The following AZIN1 variants were observed in gnomAD, a reference collection of about 807,000 sequenced individuals.
AZIN1 encodes antizyme inhibitor 1, also known as ornithine decarboxylase antizyme inhibitor.
Under a neutral mutation model 47.4 loss-of-function variants are expected in AZIN1, and 12 were observed. That is an observed-to-expected ratio of 0.25 (90% CI 0.16 to 0.41). AZIN1 has a LOEUF of 0.41. Ranked by LOEUF, AZIN1 falls within the 10% of genes least tolerant of loss-of-function variation. The probability of loss-of-function intolerance (pLI) is 1.00; values close to 1 mark genes in which losing one functional copy is unlikely to be tolerated. For synonymous variants in AZIN1, 155 were observed against 176.3 expected, an observed-to-expected ratio of 0.88 and a Z score of 0.96; for missense variants, 410 against 532.4, an observed-to-expected ratio of 0.77 and a Z score of 2.26.
At position 102,826,656 on chromosome 8, in the gene AZIN1, C is replaced by T. The variant is rs190642869; in HGVS notation, c.*1911G>A. 3.9e-5 allele frequency: 6 copies of T among 152,686 alleles called. No homozygotes were observed. The highest frequency in any genetic ancestry group is 3.3e-4 in the Admixed American group (5 of 15,294). 9.5% of individuals were successfully genotyped at this position (152,686 alleles called of 1,614,324 possible). On this transcript the variant is annotated 3_prime_UTR_variant, in exon 12 of 12. Transcript: ENST00000337198. Reference sequence around the variant, plus strand: ...CAACTCTGAGCTATTTCTTATAGAACAGCTCTCCTGCAGATATGGCAAAGT... The same window carrying T: ...CAACTCTGAGCTATTTCTTATAGAATAGCTCTCCTGCAGATATGGCAAAGT...
chr8:102,839,574 G>A, intron 4 of AZIN1, 76 bp downstream of exon 4: 1 of 1,069,494 alleles, frequency 9.4e-7, no homozygotes, highest in Non-Finnish European at 1.3e-6. Context: ...CCTTGCATTT[G>A]TTCTCTAACC....
chr8:102,842,925 A>C (rs902934355), intron 3 of AZIN1, among the ~76,000 whole-genome samples: 2 of 151,212 alleles, frequency 1.3e-5, no homozygotes, highest in African/African-American at 2.4e-5. Flanking sequence ...AAGCAAAAAA[A>C]AAGAATTGAG....
At chr8:102,844,964 T>C (rs748469997) in intron 2 of AZIN1, among the ~76,000 whole-genome samples, 5 of 152,220 alleles carry the variant, frequency 3.3e-5, no homozygotes, top group Non-Finnish European at 7.3e-5. Flanking sequence ...TAGGTTACTT[T>C]AGGAAATAAC....
In AZIN1 at chr8:102,829,337, A is replaced by T. The variant is rs750636800; in HGVS notation, c.1170T>A (p.His390Gln). 6.2e-7 allele frequency: 1 copy of T among 1,614,030 alleles called. No homozygotes were observed. The highest frequency in any genetic ancestry group is 8.5e-7 in the Non-Finnish European group (1 of 1,179,904). Residue 390 changes from histidine (H) to glutamine (Q), a missense_variant, in exon 11 of 12, where the codon CAT (histidine) becomes CAA (glutamine). Physicochemically the swap from His to Gln is conservative, Grantham distance 24. Around this residue, in one of 3 missense-constraint regions of AZIN1, gnomAD observed 168 missense variants for 198.3 expected, o/e 0.85. Transcript: ENST00000337198. ...IFDNMGADSF[H>Q]EPSAFNDFQR... ...GAAAATCATTAAAAGCAGATGGTTC[A>T]TGGAAAGAATCTGCTCCCATGTTAT...
chr8:102,835,853 A>C (rs1294493437), intron 6 of AZIN1, among the ~76,000 whole-genome samples: 1 of 152,162 alleles, frequency 6.6e-6, no homozygotes, highest in African/African-American at 2.4e-5. Flanking sequence ...TATAAAATTA[A>C]AAGGCTAAAG....
At chr8:102,839,869 T>G in intron 3 of AZIN1, 46 bp from the exon 4 acceptor site, 1 of 1,440,922 alleles carries the variant, frequency 6.9e-7, no homozygotes, top group South Asian at 1.4e-5. Flanking sequence ...AAAAAACCAT[T>G]GAAAATCAAG....
rs1250160365 is a variant in AZIN1 at position 102,826,905 on chromosome 8, A to T, written c.*1662T>A. 1 of 152,640 alleles carries T rather than the reference A, an allele frequency of 6.6e-6. No individual in the cohort carries two copies. Among genetic ancestry groups the T allele is most frequent in the South Asian group, 2.1e-4 (1 of 4,830 alleles). The allele number at this position is 152,640 out of a possible 1,614,324, so 9.5% of individuals were successfully genotyped here. ...CTTGGAAAAGTCCAAGGGCAATTTG[A>T]TGGCAATGGATTGGGGCCCTATATA... On this transcript the variant is annotated 3_prime_UTR_variant, in exon 12 of 12. Coordinates refer to ENST00000337198, the MANE Select transcript of AZIN1 (RefSeq NM_148174.4).
intron 9 of AZIN1, among the ~76,000 whole-genome samples, chr8:102,831,147 T>C (rs1377884580): frequency 6.6e-6 from 1 of 152,010 alleles, no homozygotes; most frequent in Non-Finnish European, 1.5e-5. Context: ...CATCTTGATA[T>C]ACCAAAAAAT....
intron 6 of AZIN1, 134 bp from the exon 7 acceptor site, chr8:102,834,881 T>C (rs1586161613): frequency 1.6e-6 from 1 of 611,896 alleles, no homozygotes; most frequent in East Asian, 2.9e-5. Flanking sequence ...TTTAAAGTAT[T>C]AGAAGCATTA....
chr8:102,845,968 A>G (rs1415177562), intron 2 of AZIN1, among the ~76,000 whole-genome samples: 1 of 152,162 alleles, frequency 6.6e-6, no homozygotes. Flanking sequence ...CTTTTTGCTT[A>G]AAGTCGCAGT....
intron 2 of AZIN1, chr8:102,855,265 G>GT (rs1480385514): frequency 6.6e-6 from 1 of 152,098 alleles, no homozygotes; most frequent in African/African-American, 2.4e-5. Context: ...TCACCATGTT[G>GT]GCCAAGCTGG....
intron 2 of AZIN1, among the ~76,000 whole-genome samples, chr8:102,849,682 T>G (rs1364760193): frequency 6.6e-6 from 1 of 152,212 alleles, no homozygotes; most frequent in Non-Finnish European, 1.5e-5. Flanking sequence ...ACCACCTTAT[T>G]AACATACGGT....
At chr8:102,847,852 C>A (rs1377007691) in intron 2 of AZIN1, among the ~76,000 whole-genome samples, 1 of 152,180 alleles carries the variant, frequency 6.6e-6, no homozygotes, top group East Asian at 1.9e-4. Flanking sequence ...ACCATGGCCT[C>A]CCAAAGTGTT....
Position 102,843,249 on chromosome 8 carries a change from G to A in AZIN1, c.102+302C>T, listed in dbSNP as rs1812338978. Among the ~76,000 whole-genome samples the A allele has an allele frequency of 4.0e-5, 6 of 150,290 alleles. No individual in the cohort carries two copies. In the South Asian group the frequency reaches 1.3e-3, roughly 32 times the overall value. On this transcript the variant is annotated intron_variant, in intron 3 of 11. Coordinates refer to ENST00000337198, the MANE Select transcript of AZIN1 (RefSeq NM_148174.4). ...GAAAATTGAGAAAAATGAGTAAGAAGCCATGTACTGATTAGAAGGTTGGCT... is the reference window on the plus strand; with the variant it reads ...GAAAATTGAGAAAAATGAGTAAGAAACCATGTACTGATTAGAAGGTTGGCT...
chr8:102,845,214 T>C (rs2131245384), intron 2 of AZIN1, among the ~76,000 whole-genome samples: 1 of 151,460 alleles, frequency 6.6e-6, no homozygotes, highest in South Asian at 2.1e-4. Context: ...TATACTCCAT[T>C]TCGATGGTTC....
chr8:102,838,321 A>AG (rs1811952273), intron 5 of AZIN1, among the ~76,000 whole-genome samples: 3 of 152,240 alleles, frequency 2.0e-5, no homozygotes, highest in African/African-American at 7.2e-5. Flanking sequence ...ACTGTCAGTA[A>AG]AGATGACCAT....
At chr8:102,828,714 A>G in intron 11 of AZIN1, 36 bp from the exon 12 acceptor site, 3 of 1,384,654 alleles carry the variant, frequency 2.2e-6, no homozygotes, top group Non-Finnish European at 3.1e-6. Flanking sequence ...TTCTCAGTTT[A>G]AGCCCAAAGA....
At position 102,839,529 on chromosome 8, in the gene AZIN1, C is replaced by G. The variant is rs796998931; in HGVS notation, c.276+121G>C. On this transcript the variant is annotated intron_variant, in intron 4 of 11. Coordinates refer to ENST00000337198, the MANE Select transcript of AZIN1 (RefSeq NM_148174.4). ...TCCAACATGAGGCTGGAGATTTAAA[C>G]AATTATTTTGAAACTCCATCCAAAA... 14 of 671,404 alleles carry G rather than the reference C, an allele frequency of 2.1e-5. No individual in the cohort carries two copies. In the African/African-American group the frequency reaches 2.6e-4, roughly 13 times the overall value. 41.6% of individuals were successfully genotyped at this position (671,404 alleles called of 1,614,324 possible). A position where few individuals can be genotyped will look rare whatever the true frequency, so the allele number is the denominator to read the frequency against.
At chr8:102,849,058 G>C (rs990349361) in intron 2 of AZIN1, among the ~76,000 whole-genome samples, 1 of 152,104 alleles carries the variant, frequency 6.6e-6, no homozygotes, top group Non-Finnish European at 1.5e-5. Context: ...AGCACTCTGG[G>C]AGGCCGAGGC....
Sources: gnomAD v4.1 joint callset for allele counts (sites outside exome capture counted in the v4.1 genomes callset) on GRCh38, gnomAD v4.1.1 for gene constraint, gnomAD v4.1.1 regional missense constraint, MANE v1.5 for transcripts, NCBI Gene and HGNC (gene_info 2026-07-23, HGNC 2026-07-21) for gene names.